Variants in KCNAB2 observed in about 807,000 individuals in gnomAD.
KCNAB2 encodes the protein potassium voltage-gated channel subfamily A regulatory beta subunit 2, also known as voltage-gated potassium channel subunit beta-2.
KCNAB2 carries 29 observed loss-of-function variants against 63.6 expected under a neutral mutation model. That is an observed-to-expected ratio of 0.46 (90% CI 0.34 to 0.62). KCNAB2 has a LOEUF of 0.62. Among genes scored for constraint, KCNAB2 ranks in the 20% least tolerant of loss-of-function variants. The pLI, the probability that KCNAB2 is intolerant of heterozygous loss-of-function variation, is 0.01. For missense variants in KCNAB2, 359 were observed against 563.9 expected, an observed-to-expected ratio of 0.64 and a Z score of 3.68; for synonymous variants, 222 against 224.2, an observed-to-expected ratio of 0.99 and a Z score of 0.09.
chr1:6,054,927 G>A (rs1661684326), intron 2 of KCNAB2, among the ~76,000 whole-genome samples: 1 of 152,166 alleles, frequency 6.6e-6, no homozygotes, highest in African/African-American at 2.4e-5. Context: ...TGGTTCTTTT[G>A]TTACTTGGGC....
chr1:6,057,148 G>T (rs1325226444), intron 2 of KCNAB2, among the ~76,000 whole-genome samples: 1 of 151,028 alleles, frequency 6.6e-6, no homozygotes, highest in East Asian at 1.9e-4. Context: ...ACTGGAAGCT[G>T]GTCTGAGGCT....
intron 1 of KCNAB2, chr1:6,007,396 C>T (rs1657867079): frequency 6.6e-6 from 1 of 152,326 alleles, no homozygotes; most frequent in Non-Finnish European, 1.5e-5. Context: ...TTCCTTCTCC[C>T]ATCCTGGGAT....
rs1557925416 is a variant in KCNAB2 at position 6,006,633 on chromosome 1, TCA to T, written c.-53+13847_-53+13848del. Among the ~76,000 whole-genome samples, 6 of 5,718 alleles carry T rather than the reference TCA, an allele frequency of 1.0e-3. 3 individuals carry two copies. Among genetic ancestry groups the T allele is most frequent in the Non-Finnish European group, 1.5e-3 (4 of 2,638 alleles). The allele number at this position is 5,718 out of a possible 152,430, so 3.8% of individuals were successfully genotyped here. On this transcript the variant is annotated intron_variant, in intron 1 of 16. Transcript: ENST00000341524. ...GCTCCCACATCCCCCCACTCCACCC[TCA>T]CCCCTCAGCTCAGGTCCCACATCCC...
Position 6,050,726 on chromosome 1 carries a change from T to G in KCNAB2, c.-26-785T>G, listed in dbSNP as rs1661311219. 2.0e-5 allele frequency among the ~76,000 whole-genome samples: 3 copies of G among 152,360 alleles called. No individual in the cohort carries two copies. In the East Asian group the frequency reaches 5.8e-4, roughly 29 times the overall value. The stretch of plus-strand genomic sequence containing the variant: ...AAGAATGTGCATTCATCATTTCAGC[T>G]ATATTTCAGTGGTTCTTCACATAGA... On this transcript the variant is annotated intron_variant, in intron 1 of 15. Transcript: ENST00000378083.
At chr1:6,009,810 A>G (rs1360441410) in intron 1 of KCNAB2, among the ~76,000 whole-genome samples, 2 of 151,182 alleles carry the variant, frequency 1.3e-5, no homozygotes, top group Admixed American at 1.3e-4. Context: ...TGTTTCCCAC[A>G]CTTTAGTCAT....
At position 6,045,913 on chromosome 1, in the gene KCNAB2, G is replaced by A. The variant is rs954346637; in HGVS notation, c.-297G>A. 6.1e-6 allele frequency: 6 copies of A among 985,396 alleles called. No homozygotes were observed. Among genetic ancestry groups the A allele is most frequent in the Non-Finnish European group, 7.2e-6 (6 of 829,922 alleles). The allele number at this position is 985,396 out of a possible 1,614,324, so 61.0% of individuals were successfully genotyped here. On this transcript the variant is annotated 5_prime_UTR_variant, in exon 1 of 16. Transcript: ENST00000378083. This position sits in a 1 kb window ranked among gnomAD's most constrained non-coding sequence, Gnocchi z 4.8. ...AGTCAGCCTTGCCAGGTTGCAGCAC[G>A]GAACTGCACTTCCCGAGCTTTTAGG... is the stretch of plus-strand genomic sequence containing the variant.
intron 4 of KCNAB2, among the ~76,000 whole-genome samples, chr1:6,076,599 G>C (rs1261455196): frequency 1.3e-5 from 2 of 152,238 alleles, no homozygotes; most frequent in Non-Finnish European, 2.9e-5. Flanking sequence ...CTGAGCCTCT[G>C]GCTATAAACA....
Position 6,099,110 on chromosome 1 carries a change from C to G in KCNAB2, c.*536C>G, listed in dbSNP as rs1665869576. 6.5e-6 allele frequency: 1 copy of G among 153,252 alleles called. No individual in the cohort carries two copies. Among genetic ancestry groups the G allele is most frequent in the Non-Finnish European group, 1.5e-5 (1 of 68,748 alleles). 9.5% of individuals were successfully genotyped at this position (153,252 alleles called of 1,614,324 possible). ...ACTGGGGGTCTTCCTCCACCTCCCA[C>G]TTTCCAAGGGCTCCAGGAATCTGGG... On this transcript the variant is annotated 3_prime_UTR_variant, in exon 16 of 16. Transcript: ENST00000378083.
Position 6,095,603 on chromosome 1 carries a change from C to A in KCNAB2, c.927C>A (p.Pro309=), listed in dbSNP as rs200563576. The A allele has an allele frequency of 1.4e-4, 218 of 1,613,428 alleles. No homozygotes were observed. The East Asian group carries it at 3.7e-3, about 28-fold the overall frequency. The change falls in exon 13 of 16, where the codon CCC becomes CCA. Residue 309 remains proline, a synonymous_variant. Transcript: ENST00000378083. ...VSGKYDSGIP[P]YSRASLKGYQ... ...GCAAGTACGACAGTGGCATCCCACC[C>A]TACTCAAGAGCCTCCTTGAAGGTGA...
intron 1 of KCNAB2, among the ~76,000 whole-genome samples, chr1:6,012,054 G>A (rs1273581338): frequency 6.6e-6 from 1 of 151,260 alleles, no homozygotes; most frequent in Non-Finnish European, 1.5e-5. Flanking sequence ...GGTGGTGGGT[G>A]GAGGTGATGA....
At position 6,099,779 on chromosome 1, in the gene KCNAB2, G is replaced by A. The variant is rs1422612042; in HGVS notation, c.*1205G>A. ...AACCTCTCCCTGGAAAGACGGGCAG[G>A]GCTGGTTAGCCCCTCCCACTGCCTG... is the stretch of plus-strand genomic sequence containing the variant. On this transcript the variant is annotated 3_prime_UTR_variant, in exon 16 of 16. Coordinates refer to ENST00000378083, the MANE Select transcript of KCNAB2 (RefSeq NM_001199862.2). 1.0e-5 allele frequency: 15 copies of A among 1,481,560 alleles called. No individual in the cohort carries two copies. The highest frequency in any genetic ancestry group is 1.3e-5 in the Non-Finnish European group (14 of 1,113,818). 91.8% of individuals were successfully genotyped at this position (1,481,560 alleles called of 1,614,324 possible). A position where few individuals can be genotyped will look rare whatever the true frequency, so the allele number is the denominator to read the frequency against.
chr1:6,091,282 C>T lies in KCNAB2; in HGVS notation c.621C>T (p.Ser207=). ...CACCAGGGGACCCATTTAGTTCCTC[C>T]AAGTCAAGGACATTCATCATAGAAG... is the stretch of plus-strand genomic sequence containing the variant. The part of the protein sequence containing the change: ...TPMEGDPFSS[S]KSRTFIIEET... The change falls in exon 10 of 16, where the codon TCC becomes TCT. Residue 207 remains serine, a synonymous_variant. Transcript: ENST00000378083. 1.3e-6 allele frequency: 2 copies of T among 1,533,898 alleles called. No individual in the cohort carries two copies. The highest frequency in any genetic ancestry group is 1.2e-5 in the South Asian group (1 of 84,012).
intron 1 of KCNAB2, among the ~76,000 whole-genome samples, chr1:6,013,304 G>C (rs1018914337): frequency 6.6e-6 from 1 of 152,002 alleles, no homozygotes; most frequent in African/African-American, 2.4e-5. Flanking sequence ...CACAGGCTGG[G>C]GTAGGCGCTT....
At position 6,082,290 on chromosome 1, in the gene KCNAB2, C is replaced by T. The variant is rs991992900; in HGVS notation, c.380+16C>T. 1.2e-5 allele frequency: 20 copies of T among 1,605,358 alleles called. No homozygotes were observed. The highest frequency in any genetic ancestry group is 1.7e-5 in the Non-Finnish European group (20 of 1,172,352). On this transcript the variant is annotated intron_variant, in intron 5 of 15. Coordinates refer to ENST00000378083, the MANE Select transcript of KCNAB2 (RefSeq NM_001199862.2). ...CAGCCGGCAAGTACGTGTCTTTTCA[C>T]ACGGGAAAAAGTGGTTCAGAATGCC... is the stretch of plus-strand genomic sequence containing the variant.
At chr1:6,048,537 C>T (rs748983539) in intron 1 of KCNAB2, among the ~76,000 whole-genome samples, 2 of 152,368 alleles carry the variant, frequency 1.3e-5, no homozygotes, top group East Asian at 1.9e-4. Flanking sequence ...TCAGCCACCC[C>T]GTCCTCCAGC....
At chr1:6,033,189 G>A (rs752704350), upstream of KCNAB2, among the ~76,000 whole-genome samples, 4 of 152,052 alleles carry the variant, frequency 2.6e-5, no homozygotes, top group Non-Finnish European at 5.9e-5. Flanking sequence ...AAAAGTGTGT[G>A]TGTGCATGTG....
At position 6,078,202 on chromosome 1, in the gene KCNAB2, G is replaced by A. The variant is rs565370547; in HGVS notation, c.301-3993G>A. Among the ~76,000 whole-genome samples, 98 of 152,242 alleles carry A rather than the reference G, an allele frequency of 6.4e-4. No individual in the cohort carries two copies. The highest frequency in any genetic ancestry group is 2.1e-3 in the African/African-American group (89 of 41,538). The stretch of plus-strand genomic sequence containing the variant: ...GTCTCTGCCCCTGTGGATACTCTCC[G>A]TCCTCCTCTTCTGTCAGTCAAGTCT... On this transcript the variant is annotated intron_variant, in intron 4 of 15. Coordinates refer to ENST00000378083, the MANE Select transcript of KCNAB2 (RefSeq NM_001199862.2). The surrounding 1 kb of genome is among the most constrained non-coding windows in gnomAD (Gnocchi z 4.2).
intron 2 of KCNAB2, among the ~76,000 whole-genome samples, chr1:6,052,154 G>T (rs1206086676): frequency 1.3e-5 from 2 of 152,092 alleles, no homozygotes; most frequent in Non-Finnish European, 2.9e-5. Context: ...AGGCACGGTG[G>T]CTCATGCCTG....
chr1:6,051,807 A>C (rs546973014), intron 2 of KCNAB2, 53 bp downstream of exon 2: 8 of 1,495,452 alleles, frequency 5.3e-6, no homozygotes, highest in Non-Finnish European at 7.1e-6. Flanking sequence ...TCAGCCATAT[A>C]AATATGTATA....
Sources: allele counts gnomAD v4.1 joint callset (sites outside exome capture counted in the v4.1 genomes callset), GRCh38; gene constraint gnomAD v4.1.1; non-coding constraint Gnocchi (gnomAD v3.1); transcripts MANE v1.5; gene names NCBI Gene and HGNC (gene_info 2026-07-23, HGNC 2026-07-21).